Variants in C10orf90 observed in about 807,000 individuals in gnomAD.
C10orf90 encodes (E2-independent) E3 ubiquitin-conjugating enzyme FATS.
C10orf90 carries 56 observed loss-of-function variants against 62.5 expected under a neutral mutation model. That is an observed-to-expected ratio of 0.90 (90% CI 0.72 to 1.12). The LOEUF (loss-of-function observed/expected upper bound fraction) is 1.12, where lower values mean the gene tolerates loss of function less well. C10orf90 is among the 50% of genes most tolerant of loss of function. The probability of loss-of-function intolerance (pLI) is 0.00; values close to 1 mark genes in which losing one functional copy is unlikely to be tolerated. For synonymous variants in C10orf90, 386 were observed against 340.4 expected (o/e 1.13, Z -1.47); for missense variants, 970 against 880.4 (o/e 1.10, Z -1.29).
chr10:126,564,890 TATATATAATATATAAA>T (rs1844279627), intron 2 of C10orf90, among the ~76,000 whole-genome samples: 1 of 5,146 alleles, frequency 1.9e-4, no homozygotes, highest in Non-Finnish European at 3.4e-4. Flanking sequence ...TAAAATATAT[TATATATAATATATAAA>T]ATATATATTA....
chr10:126,614,865 G>A (rs749153811), intron 2 of C10orf90, among the ~76,000 whole-genome samples: 2 of 152,130 alleles, frequency 1.3e-5, no homozygotes, highest in South Asian at 2.1e-4. Context: ...TCTCTATGCC[G>A]CTATTGGGTT....
chr10:126,485,413 T>C (rs919464061), intron 4 of C10orf90, among the ~76,000 whole-genome samples: 1 of 152,142 alleles, frequency 6.6e-6, no homozygotes, highest in Non-Finnish European at 1.5e-5. Flanking sequence ...CTTCATGAAA[T>C]TCATTATTAA....
At chr10:126,634,990 G>A (rs1314974171) in intron 2 of C10orf90, among the ~76,000 whole-genome samples, 1 of 152,204 alleles carries the variant, frequency 6.6e-6, no homozygotes, top group Non-Finnish European at 1.5e-5. Context: ...GACCCCCAGT[G>A]TTGCCCATTT....
chr10:126,579,621 G>C (rs368784643), intron 2 of C10orf90, among the ~76,000 whole-genome samples: 7 of 152,114 alleles, frequency 4.6e-5, no homozygotes, highest in African/African-American at 1.7e-4. Context: ...CTTGTAAAAA[G>C]TTTAGCATGT....
At chr10:126,481,830 T>C (rs1297932505) in intron 4 of C10orf90, among the ~76,000 whole-genome samples, 1 of 152,188 alleles carries the variant, frequency 6.6e-6, no homozygotes, top group African/African-American at 2.4e-5. Flanking sequence ...CAAACCAGAA[T>C]GCCTTGTCCC....
At chr10:126,575,684 T>A (rs1356084872) in intron 2 of C10orf90, among the ~76,000 whole-genome samples, 1 of 151,946 alleles carries the variant, frequency 6.6e-6, no homozygotes, top group Non-Finnish European at 1.5e-5. Flanking sequence ...CAAAATATAC[T>A]ACAAAGCTAT....
At chr10:126,560,739 T>C (rs781174596) in intron 2 of C10orf90, among the ~76,000 whole-genome samples, 7 of 152,176 alleles carry the variant, frequency 4.6e-5, no homozygotes, top group Admixed American at 3.3e-4. Context: ...GCTGTCTCTG[T>C]TGCTGCTACT....
chr10:126,602,634 C>T (rs115997853), intron 2 of C10orf90, among the ~76,000 whole-genome samples: 48 of 152,218 alleles, frequency 3.2e-4, no homozygotes, highest in African/African-American at 1.1e-3. Context: ...CATAACCACA[C>T]GAGTGCTTTG....
At position 126,595,189 on chromosome 10, in the gene C10orf90, T is replaced by C. The variant is rs1035390674; in HGVS notation, c.313+51376A>G. Among the ~76,000 whole-genome samples, 16 of 152,166 alleles carry C rather than the reference T, an allele frequency of 1.1e-4. No individual in the cohort carries two copies. In the East Asian group the frequency reaches 3.1e-3, roughly 29 times the overall value. ...CCACTTGCACTTAACAGTTATTAGC[T>C]AGTTTGCAAGAATCCAGAGTCTTTG... On this transcript the variant is annotated intron_variant, in intron 2 of 9. Coordinates refer to ENST00000488181, the MANE Select transcript of C10orf90 (RefSeq NM_001350921.2).
intron 7 of C10orf90, among the ~76,000 whole-genome samples, chr10:126,457,746 G>C (rs1284791519): frequency 6.6e-6 from 1 of 152,164 alleles, no homozygotes; most frequent in Non-Finnish European, 1.5e-5. Flanking sequence ...AAGGCCCCAG[G>C]GGTCTCCTGG....
chr10:126,470,034 A>C (rs544584252), intron 4 of C10orf90: 19 of 456,552 alleles, frequency 4.2e-5, no homozygotes, highest in South Asian at 2.8e-4. Context: ...ATTCTTCTGC[A>C]GGATGCATGC....
chr10:126,451,705 T>TAC (rs386372772), intron 7 of C10orf90, among the ~76,000 whole-genome samples: 1 of 151,830 alleles, frequency 6.6e-6, no homozygotes, highest in Non-Finnish European at 1.5e-5. Flanking sequence ...GATATATATA[T>TAC]ACACACACAT....
At chr10:126,491,601 C>T (rs1861777592) in intron 4 of C10orf90, among the ~76,000 whole-genome samples, 1 of 152,184 alleles carries the variant, frequency 6.6e-6, no homozygotes, top group Non-Finnish European at 1.5e-5. Context: ...TAACCATTCA[C>T]ACTTAGGAGC....
intron 3 of C10orf90, among the ~76,000 whole-genome samples, chr10:126,506,437 T>C (rs1862735779): frequency 6.6e-6 from 1 of 152,258 alleles, no homozygotes; most frequent in Admixed American, 6.5e-5. Flanking sequence ...GAATAATATA[T>C]GTAACCGCTA....
At chr10:126,478,316 C>T (rs1445106358) in intron 4 of C10orf90, among the ~76,000 whole-genome samples, 3 of 152,186 alleles carry the variant, frequency 2.0e-5, no homozygotes, top group Admixed American at 6.5e-5. Context: ...TCTCAAGTTC[C>T]TCATCTACAT....
At chr10:126,474,572 C>G (rs1327737336) in intron 4 of C10orf90, among the ~76,000 whole-genome samples, 1 of 151,994 alleles carries the variant, frequency 6.6e-6, no homozygotes, top group East Asian at 1.9e-4. Context: ...AACAAATAAA[C>G]AGATGTAAAT....
chr10:126,624,370 A>G (rs1361114432), intron 2 of C10orf90, among the ~76,000 whole-genome samples: 3 of 152,098 alleles, frequency 2.0e-5, no homozygotes, highest in African/African-American at 7.2e-5. Flanking sequence ...AGAGACTCCT[A>G]CTGAGGTTTT....
chr10:126,472,398 G>A (rs531681673), intron 4 of C10orf90, among the ~76,000 whole-genome samples: 1 of 152,248 alleles, frequency 6.6e-6, no homozygotes, highest in African/African-American at 2.4e-5. Flanking sequence ...ATTAATATAT[G>A]AGCTTTTTCC....
intron 7 of C10orf90, among the ~76,000 whole-genome samples, chr10:126,444,980 A>T (rs1312410578): frequency 6.6e-6 from 1 of 152,102 alleles, no homozygotes; most frequent in African/African-American, 2.4e-5. Flanking sequence ...GTAGAATGAA[A>T]CTAGATCCTC....
Sources: allele counts gnomAD v4.1 joint callset (sites outside exome capture counted in the v4.1 genomes callset), GRCh38; gene constraint gnomAD v4.1.1; transcripts MANE v1.5; gene names NCBI Gene and HGNC (gene_info 2026-07-23, HGNC 2026-07-21).